DZIP1L: variants seen among roughly 807,000 people sequenced by gnomAD.
DZIP1L encodes DAZ interacting zinc finger protein 1 like.
Under a neutral mutation model 88.7 loss-of-function variants are expected in DZIP1L, and 90 were observed. The ratio of observed to expected loss-of-function variants is 1.02; its 90% CI spans 0.86 to 1.21. The LOEUF (loss-of-function observed/expected upper bound fraction) is 1.21, where lower values mean the gene tolerates loss of function less well. Ranked by LOEUF, DZIP1L falls within the 50% of genes most tolerant of loss-of-function variation. The probability of loss-of-function intolerance (pLI) is 0.00; values close to 1 mark genes in which losing one functional copy is unlikely to be tolerated. For missense variants in DZIP1L, 932 were observed against 955.8 expected (o/e 0.98, Z 0.33); for synonymous variants, 363 against 372.1 (o/e 0.98, Z 0.28).
Position 138,084,098 on chromosome 3 carries a change from G to A in DZIP1L, c.1203+15C>T. Reference sequence around the variant, plus strand: ...AGGGACACCAAGGCCTGGCTGAAAGGAAGGGCAGACCTACCATCTCCTCCT... The same window carrying A: ...AGGGACACCAAGGCCTGGCTGAAAGAAAGGGCAGACCTACCATCTCCTCCT... On this transcript the variant is annotated intron_variant, in intron 8 of 15. Coordinates refer to ENST00000327532, the MANE Select transcript of DZIP1L (RefSeq NM_173543.3). 1 of 1,612,108 alleles carries A rather than the reference G, an allele frequency of 6.2e-7. No homozygotes were observed. The highest frequency in any genetic ancestry group is 8.5e-7 in the Non-Finnish European group (1 of 1,179,104).
chr3:138,097,762 C>G lies in DZIP1L; in HGVS notation c.586+1G>C. The G allele has an allele frequency of 6.2e-7, 1 of 1,609,566 alleles. No individual in the cohort carries two copies. Among genetic ancestry groups the G allele is most frequent in the Non-Finnish European group, 8.5e-7 (1 of 1,178,104 alleles). On this transcript the variant is annotated splice_donor_variant, in intron 3 of 15. Transcript: ENST00000327532. LOFTEE classifies it high-confidence loss of function. ...GGGCCCGGGCTGCTGTCTGGACTCA[C>G]CACCTTCTGCCACGCCTGCATGCCT...
At chr3:138,077,924 TAGAC>T (rs1559833297) in intron 10 of DZIP1L, among the ~76,000 whole-genome samples, 1 of 152,198 alleles carries the variant, frequency 6.6e-6, no homozygotes, top group African/African-American at 2.4e-5. Context: ...GTGGACAAGA[TAGAC>T]AGATCGCTGC....
intron 2 of DZIP1L, chr3:138,102,182 C>T: frequency 4.4e-6 from 6 of 1,364,860 alleles, no homozygotes; most frequent in Non-Finnish European, 5.2e-6. Context: ...CCATGGACAG[C>T]ACCACAGGCG....
intron 2 of DZIP1L, among the ~76,000 whole-genome samples, chr3:138,100,810 G>A (rs1294346946): frequency 6.6e-6 from 1 of 152,142 alleles, no homozygotes; most frequent in African/African-American, 2.4e-5. Context: ...CCTGGCACAG[G>A]GCCTAGCCAC....
chr3:138,090,581 C>A (rs1944164873), intron 5 of DZIP1L, among the ~76,000 whole-genome samples: 1 of 152,184 alleles, frequency 6.6e-6, no homozygotes. Context: ...CACCCCAGTG[C>A]ACACAGAGTT....
At chr3:138,111,262 GAGTT>G (rs1268177937) in intron 1 of DZIP1L, among the ~76,000 whole-genome samples, 2 of 152,238 alleles carry the variant, frequency 1.3e-5, no homozygotes, top group African/African-American at 4.8e-5. Flanking sequence ...GGACTGCCAA[GAGTT>G]AGTACAAAGA....
At chr3:138,067,440 C>T in intron 14 of DZIP1L, 91 bp downstream of exon 14, 2 of 1,416,278 alleles carry the variant, frequency 1.4e-6, no homozygotes, top group Non-Finnish European at 1.9e-6. Context: ...CTAAAGGAAG[C>T]TAAAGGGTGT....
chr3:138,083,240 G>C (rs1249377481), intron 8 of DZIP1L, among the ~76,000 whole-genome samples: 1 of 152,200 alleles, frequency 6.6e-6, no homozygotes, highest in Non-Finnish European at 1.5e-5. Context: ...AGTGTTTTGG[G>C]GGGAAACTGA....
At chr3:138,093,282 T>C (rs2107812108) in intron 4 of DZIP1L, among the ~76,000 whole-genome samples, 1 of 151,970 alleles carries the variant, frequency 6.6e-6, no homozygotes, top group African/African-American at 2.4e-5. Flanking sequence ...GCAGTAATTA[T>C]TTTGAAAAGA....
intron 1 of DZIP1L, chr3:138,108,314 C>T (rs1221535058): frequency 4.0e-6 from 3 of 751,780 alleles, no homozygotes; most frequent in African/African-American, 3.8e-5. Context: ...AATAAGACAC[C>T]TGCTTCCTGA....
chr3:138,081,874 A>T, intron 8 of DZIP1L, 110 bp from the exon 9 acceptor site: 1 of 1,151,910 alleles, frequency 8.7e-7, no homozygotes, highest in Middle Eastern at 2.4e-4. Flanking sequence ...TACAGATTCC[A>T]TGACTCACGT....
chr3:138,079,344 G>A (rs950593144), intron 10 of DZIP1L, among the ~76,000 whole-genome samples: 2 of 152,172 alleles, frequency 1.3e-5, no homozygotes, highest in Non-Finnish European at 2.9e-5. Context: ...TGTATCCCAA[G>A]GTTAAATGCA....
chr3:138,109,424 T>C (rs908619711), intron 1 of DZIP1L, among the ~76,000 whole-genome samples: 2 of 152,192 alleles, frequency 1.3e-5, no homozygotes, highest in African/African-American at 2.4e-5. Flanking sequence ...CCTCTTGGTA[T>C]AGATGGTCCT....
chr3:138,070,986 C>T (rs1467864281), intron 12 of DZIP1L, among the ~76,000 whole-genome samples: 2 of 152,216 alleles, frequency 1.3e-5, no homozygotes, highest in Non-Finnish European at 2.9e-5. Flanking sequence ...CACAGAATTT[C>T]GTGTTCCACC....
chr3:138,067,429 C>G (rs1238023448), intron 14 of DZIP1L, 102 bp downstream of exon 14: 3 of 1,336,126 alleles, frequency 2.2e-6, no homozygotes, highest in African/African-American at 1.5e-5. Flanking sequence ...AATAAGAAAG[C>G]CTAAAGGAAG....
In DZIP1L at chr3:138,063,346, C is replaced by G. The variant is rs921020777; in HGVS notation, c.2143-369G>C. On this transcript the variant is annotated intron_variant, in intron 15 of 15. Coordinates refer to ENST00000327532, the MANE Select transcript of DZIP1L (RefSeq NM_173543.3). The surrounding 1 kb of genome is among the most constrained non-coding windows in gnomAD (Gnocchi z 4.1). ...CAGAAACTCGACTGTTCCAAGTTCG[C>G]GAGCTGAATGCACTGTGGGCTAATG... Among the ~76,000 whole-genome samples the G allele has an allele frequency of 6.6e-6, 1 of 152,220 alleles. No individual in the cohort carries two copies. Among genetic ancestry groups the G allele is most frequent in the Non-Finnish European group, 1.5e-5 (1 of 68,034 alleles).
chr3:138,073,539 C>A (rs1943271452), intron 11 of DZIP1L, among the ~76,000 whole-genome samples: 1 of 152,136 alleles, frequency 6.6e-6, no homozygotes, highest in African/African-American at 2.4e-5. Flanking sequence ...AAGGGAGCAC[C>A]CCATGGGACA....
intron 3 of DZIP1L, among the ~76,000 whole-genome samples, chr3:138,096,885 A>G (rs1285604974): frequency 6.6e-6 from 1 of 152,194 alleles, no homozygotes; most frequent in African/African-American, 2.4e-5. Context: ...TTGAACCTCA[A>G]AAAGTGAATA....
Position 138,067,564 on chromosome 3 carries a change from CCGAGGTCTCTGTGTCAGA to C in DZIP1L, c.1951_1968del (p.Ser651_Ser656del), listed in dbSNP as rs1275901613. On this transcript the variant is annotated inframe_deletion, in exon 14 of 16. Transcript: ENST00000327532. ...TGGCCAGGGGGCTGGGCATTCTCCTCCGAGGTCTCTGTGTCAGACCAGTCCCAGTCATCCTTGGGCCGG... is the reference window on the plus strand; with the variant it reads ...TGGCCAGGGGGCTGGGCATTCTCCTCCCAGTCCCAGTCATCCTTGGGCCGG... The C allele has an allele frequency of 6.2e-7, 1 of 1,610,610 alleles. No homozygotes were observed. The highest frequency in any genetic ancestry group is 1.7e-5 in the Admixed American group (1 of 59,486).
Sources: allele counts gnomAD v4.1 joint callset (sites outside exome capture counted in the v4.1 genomes callset), GRCh38; gene constraint gnomAD v4.1.1; non-coding constraint Gnocchi (gnomAD v3.1); transcripts MANE v1.5; gene names NCBI Gene and HGNC (gene_info 2026-07-23, HGNC 2026-07-21).